Variants in DHX36 observed in about 807,000 individuals in gnomAD.
DHX36 encodes ATP-dependent DNA/RNA helicase DHX36.
Under a neutral mutation model 139.0 loss-of-function variants are expected in DHX36, and 50 were observed. The ratio of observed to expected loss-of-function variants is 0.36; its 90% confidence interval spans 0.29 to 0.46. DHX36 has a LOEUF of 0.46. Ranked by LOEUF, DHX36 falls within the 20% of genes least tolerant of loss-of-function variation. DHX36 has a pLI of 1.00. For synonymous variants in DHX36, 425 were observed against 401.9 expected (o/e 1.06, Z -0.69); for missense variants, 1,024 against 1,211.3 (o/e 0.85, Z 2.29).
chr3:154,313,596 C>A (rs774198420), intron 3 of DHX36, among the ~76,000 whole-genome samples: 3 of 152,134 alleles, frequency 2.0e-5, no homozygotes, highest in Non-Finnish European at 1.5e-5. Context: ...GGAAGGATCA[C>A]TTGAGCCCAG....
chr3:154,290,148 A>C (rs970147947), intron 15 of DHX36, among the ~76,000 whole-genome samples: 1 of 152,182 alleles, frequency 6.6e-6, no homozygotes, highest in Non-Finnish European at 1.5e-5. Context: ...GTTAAGGTTA[A>C]GAATAGTAAC....
At position 154,323,508 on chromosome 3, in the gene DHX36, A is replaced by C. The variant is rs920194456; in HGVS notation, c.243+666T>G. 2.6e-5 allele frequency among the ~76,000 whole-genome samples: 4 copies of C among 152,178 alleles called. No individual in the cohort carries two copies. In the East Asian group the frequency reaches 7.7e-4, roughly 29 times the overall value. On this transcript the variant is annotated intron_variant, in intron 1 of 24. Transcript: ENST00000496811. ...TCACTCGGAGAACTTTGTTTCCCTT[A>C]CTACAGATCTTTAAGACACAAATCA...
At chr3:154,292,511 T>C in intron 15 of DHX36, 40 bp downstream of exon 15, 3 of 1,609,704 alleles carry the variant, frequency 1.9e-6, no homozygotes, top group South Asian at 1.1e-5. Context: ...CACAAAATTT[T>C]TGTGTGTTCT....
chr3:154,314,284 T>G (rs984648599), intron 3 of DHX36, among the ~76,000 whole-genome samples: 16 of 152,218 alleles, frequency 1.1e-4, no homozygotes, highest in African/African-American at 3.4e-4. Context: ...CTGTCATCAG[T>G]AACAGTCAAT....
At position 154,316,226 on chromosome 3, in the gene DHX36, G is replaced by C. The variant is rs1712975138; in HGVS notation, c.244-63C>G. On this transcript the variant is annotated intron_variant, in intron 1 of 24. Transcript: ENST00000496811. The stretch of plus-strand genomic sequence containing the variant: ...AAGAAAGCATATGCAAAAATTATTT[G>C]ATACTGAAGAAAATAAAGGCTAAGT... 3 of 1,590,444 alleles carry C rather than the reference G, an allele frequency of 1.9e-6. No individual in the cohort carries two copies. The South Asian group carries it at 3.4e-5, about 18-fold the overall frequency.
chr3:154,324,288 T>TCCGCCG lies in DHX36; in HGVS notation c.123_128dup (p.Gly45_Gly46dup), dbSNP rs759062967. 1 of 1,599,666 alleles carries TCCGCCG rather than the reference T, an allele frequency of 6.3e-7. No homozygotes were observed. The highest frequency in any genetic ancestry group is 8.5e-7 in the Non-Finnish European group (1 of 1,173,564). The stretch of plus-strand genomic sequence containing the variant: ...GGCCCCTGCCGCCTCGACCACCCCC[T>TCCGCCG]CCGCCGCCGCCGCCTCCTCCGGAGC... On this transcript the variant is annotated inframe_insertion, in exon 1 of 25. Transcript: ENST00000496811.
Position 154,317,257 on chromosome 3 carries a change from T to C in DHX36, c.244-1094A>G, listed in dbSNP as rs568612630. On this transcript the variant is annotated intron_variant, in intron 1 of 24. Coordinates refer to ENST00000496811, the MANE Select transcript of DHX36 (RefSeq NM_020865.3). Reference sequence around the variant, plus strand: ...GGTGGTGATGGAGGTCACAATAGGATGCTAAGTTTGGATTTTAGGCAATTA... The same window carrying C: ...GGTGGTGATGGAGGTCACAATAGGACGCTAAGTTTGGATTTTAGGCAATTA... Among the ~76,000 whole-genome samples, 51 of 152,184 alleles carry C rather than the reference T, an allele frequency of 3.4e-4. 1 individual carries two copies. In the South Asian group the frequency reaches 8.5e-3, roughly 25 times the overall value.
rs57367078 is a variant in DHX36 at position 154,281,005 on chromosome 3, G to A, written c.2377-143C>T. 1.9e-3 allele frequency: 1,166 copies of A among 627,898 alleles called. 13 individuals carry two copies. In the African/African-American group the frequency reaches 0.019, roughly 10 times the overall value. 38.9% of individuals were successfully genotyped at this position (627,898 alleles called of 1,614,324 possible). A position where few individuals can be genotyped will look rare whatever the true frequency, so the allele number is the denominator to read the frequency against. On this transcript the variant is annotated intron_variant, in intron 20 of 24. Coordinates refer to ENST00000496811, the MANE Select transcript of DHX36 (RefSeq NM_020865.3). ...CAAACATGTTTTAAAGCAAGGGTTG[G>A]CAAACTACAAAAGCTGTTTTTGTCA...
chr3:154,304,441 T>A (rs949649078), intron 8 of DHX36, among the ~76,000 whole-genome samples: 2 of 152,176 alleles, frequency 1.3e-5, no homozygotes, highest in African/African-American at 4.8e-5. Context: ...ACATTGAAGG[T>A]GTTCCATAAG....
chr3:154,316,041 A>C lies in DHX36; in HGVS notation c.366T>G (p.His122Gln). 6.2e-7 allele frequency: 1 copy of C among 1,612,510 alleles called. No homozygotes were observed. Among genetic ancestry groups the C allele is most frequent in the African/African-American group, 1.3e-5 (1 of 74,978 alleles). The change falls in exon 2 of 25, where the codon CAT (histidine) becomes CAG (glutamine). Residue 122 changes from histidine (H) to glutamine (Q), a missense_variant and splice_region_variant. Transcript: ENST00000496811. The stretch of plus-strand genomic sequence containing the variant: ...TAAAAAAATATTTCTTGTCGTACCC[A>C]TGATCCTCAGGAGCAAACCAGGATA... Reference protein sequence around the residue: ...AQISWFAPEDHGYGTEVSTKN... With the variant: ...AQISWFAPEDQGYGTEVSTKN...
At chr3:154,291,949 T>C (rs894227102) in intron 15 of DHX36, among the ~76,000 whole-genome samples, 13 of 152,220 alleles carry the variant, frequency 8.5e-5, no homozygotes, top group African/African-American at 3.1e-4. Flanking sequence ...TATTATGACA[T>C]TATGAGGAAA....
At chr3:154,281,366 GT>G (rs1294811957) in intron 20 of DHX36, among the ~76,000 whole-genome samples, 10 of 147,582 alleles carry the variant, frequency 6.8e-5, no homozygotes, top group Middle Eastern at 3.5e-3. Context: ...TTAAGGTTTT[GT>G]TTTTTTTTTA....
chr3:154,308,337 T>C (rs1712591019), intron 5 of DHX36, among the ~76,000 whole-genome samples: 2 of 152,240 alleles, frequency 1.3e-5, no homozygotes, highest in Non-Finnish European at 2.9e-5. Context: ...GTAATGTTTT[T>C]AACCACAGAT....
At chr3:154,288,841 TA>T (rs759987066) in intron 17 of DHX36, 24 bp downstream of exon 17, 7 of 1,382,812 alleles carry the variant, frequency 5.1e-6, no homozygotes, top group South Asian at 3.0e-5. Context: ...AAGTTAGAAT[TA>T]AAAAAACAAG....
intron 12 of DHX36, among the ~76,000 whole-genome samples, chr3:154,297,878 GA>G (rs1370131456): frequency 6.6e-6 from 1 of 151,978 alleles, no homozygotes; most frequent in Admixed American, 6.6e-5. Context: ...GAGTTAATGA[GA>G]ACAAAATCTA....
intron 22 of DHX36, 77 bp downstream of exon 22, chr3:154,280,502 A>G (rs1719297495): frequency 2.9e-6 from 3 of 1,018,942 alleles, no homozygotes; most frequent in African/African-American, 3.2e-5. Flanking sequence ...TTTATAATAT[A>G]AGCCTTGTTA....
At chr3:154,285,198 C>T (rs1427692720) in intron 17 of DHX36, among the ~76,000 whole-genome samples, 5 of 152,130 alleles carry the variant, frequency 3.3e-5, no homozygotes, top group Admixed American at 6.6e-5. Flanking sequence ...AAAATTAACA[C>T]ACAACTTGGC....
At chr3:154,314,995 A>G in intron 3 of DHX36, 51 bp downstream of exon 3, 1 of 1,301,152 alleles carries the variant, frequency 7.7e-7, no homozygotes, top group Non-Finnish European at 1.1e-6. Flanking sequence ...ATACATTTTT[A>G]TAAAGTGTAA....
At chr3:154,311,816 A>G (rs534641771) in intron 3 of DHX36, 142 bp from the exon 4 acceptor site, 3 of 564,868 alleles carry the variant, frequency 5.3e-6, no homozygotes, top group South Asian at 3.1e-5. Flanking sequence ...AAAACATTAT[A>G]AAGAATAATT....
Sources: allele counts gnomAD v4.1 joint callset (sites outside exome capture counted in the v4.1 genomes callset), GRCh38; gene constraint gnomAD v4.1.1; transcripts MANE v1.5; gene names NCBI Gene and HGNC (gene_info 2026-07-23, HGNC 2026-07-21).